Variants in NIN observed in about 807,000 individuals in gnomAD.
NIN encodes the protein ninein.
NIN carries 137 observed loss-of-function variants against 257.6 expected under a neutral mutation model. The observed-to-expected ratio is 0.53, with a 90% CI of 0.46 to 0.61. The LOEUF (loss-of-function observed/expected upper bound fraction) is 0.61. Among genes scored for constraint, NIN ranks in the 20% least tolerant of loss-of-function variants. The probability of loss-of-function intolerance (pLI) is 0.00; values close to 1 mark genes in which losing one functional copy is unlikely to be tolerated. For synonymous variants in NIN, 918 were observed against 919.8 expected, an observed-to-expected ratio of 1.00 and a Z score of 0.04; for missense variants, 2,439 against 2,501.2, an observed-to-expected ratio of 0.98 and a Z score of 0.53.
chr14:50,818,059 C>T lies in NIN; in HGVS notation c.183+3815G>A, dbSNP rs181501339. The stretch of plus-strand genomic sequence containing the variant: ...CTGGATATGGCCGGGCACGATGGCT[C>T]ACGCCTGTAACCCCAGCACTTTGGG... On this transcript the variant is annotated intron_variant, in intron 3 of 30. Transcript: ENST00000530997. Among the ~76,000 whole-genome samples, 450 of 151,504 alleles carry T rather than the reference C, an allele frequency of 3.0e-3. 4 individuals are homozygous for T. Among genetic ancestry groups the T allele is most frequent in the Non-Finnish European group, 5.0e-3 (342 of 67,818 alleles).
intron 9 of NIN, chr14:50,771,898 T>A (rs1205193179): frequency 5.5e-6 from 1 of 181,106 alleles, no homozygotes; most frequent in Non-Finnish European, 1.2e-5. Context: ...GGCAGGAGAA[T>A]CTCTTGAACC....
At chr14:50,754,898 C>T (rs910819741) in intron 18 of NIN, 31 bp from the exon 19 acceptor site, 3 of 1,480,278 alleles carry the variant, frequency 2.0e-6, no homozygotes, top group Non-Finnish European at 1.8e-6. Context: ...AAAATTGTTA[C>T]AAGGCAGTCA....
At chr14:50,760,437 CTTTTT>C (rs35995624) in intron 16 of NIN, 78 bp from the exon 17 acceptor site, 5,990 of 419,530 alleles carry the variant, frequency 0.014, no homozygotes, top group Middle Eastern at 0.026. Context: ...GCAGCAATTG[CTTTTT>C]TTTTTTTTTT....
At chr14:50,804,182 C>A (rs1285532636) in intron 4 of NIN, among the ~76,000 whole-genome samples, 2 of 152,084 alleles carry the variant, frequency 1.3e-5, no homozygotes, top group Admixed American at 6.5e-5. Flanking sequence ...GAGGCATGAG[C>A]CACCGCACCC....
chr14:50,775,534 T>A (rs1329161051), intron 7 of NIN, among the ~76,000 whole-genome samples: 1 of 152,186 alleles, frequency 6.6e-6, no homozygotes, highest in Non-Finnish European at 1.5e-5. Context: ...TTAGAGCTAG[T>A]AATACTAAGT....
intron 3 of NIN, among the ~76,000 whole-genome samples, chr14:50,810,378 C>A (rs550588201): frequency 6.6e-6 from 1 of 152,082 alleles, no homozygotes; most frequent in Non-Finnish European, 1.5e-5. Flanking sequence ...GCACTCCAAG[C>A]TAAAAGTACA....
At chr14:50,740,591 G>A (rs996575127) in intron 25 of NIN, among the ~76,000 whole-genome samples, 3 of 151,818 alleles carry the variant, frequency 2.0e-5, no homozygotes, top group East Asian at 1.9e-4. Flanking sequence ...CTCGTGATCC[G>A]CCCGCCTAGG....
chr14:50,722,989 C>G lies in NIN; in HGVS notation c.*474G>C, dbSNP rs755404908. The G allele has an allele frequency of 4.2e-5, 9 of 213,204 alleles. No homozygotes were observed. The highest frequency in any genetic ancestry group is 6.8e-5 in the African/African-American group (3 of 44,044). The allele number at this position is 213,204 out of a possible 1,614,324, so 13.2% of individuals were successfully genotyped here. Reference sequence around the variant, plus strand: ...CCAATTATACTCTACTAATTGTCTACCAATTCAAAGAACCAAAACTATTAT... The same window carrying G: ...CCAATTATACTCTACTAATTGTCTAGCAATTCAAAGAACCAAAACTATTAT... On this transcript the variant is annotated 3_prime_UTR_variant, in exon 31 of 31. Coordinates refer to ENST00000530997, the MANE Select transcript of NIN (RefSeq NM_020921.4).
chr14:50,818,593 G>T (rs1357046189), intron 3 of NIN, among the ~76,000 whole-genome samples: 2 of 152,124 alleles, frequency 1.3e-5, no homozygotes, highest in Non-Finnish European at 1.5e-5. Context: ...CCCTTGTGAT[G>T]AGGCCTCATC....
rs1383012928 is a variant in NIN, at chr14:50,739,506, T to C, written c.5449-19A>G. 1.9e-6 allele frequency: 3 copies of C among 1,608,874 alleles called. No individual in the cohort carries two copies. The highest frequency in any genetic ancestry group is 3.4e-5 in the Admixed American group (2 of 58,948). ...CCCAGCTCTTAAGAGAATTGCAGAGTGTAAGCCTTAAAAACAAGCTATTGG... is the reference window on the plus strand; with the variant it reads ...CCCAGCTCTTAAGAGAATTGCAGAGCGTAAGCCTTAAAAACAAGCTATTGG... On this transcript the variant is annotated intron_variant, in intron 25 of 30. Coordinates refer to ENST00000530997, the MANE Select transcript of NIN (RefSeq NM_020921.4).
At position 50,763,887 on chromosome 14, in the gene NIN, C is replaced by G; in HGVS notation, c.1713G>C (p.Pro571=). 2.5e-6 allele frequency: 4 copies of G among 1,613,974 alleles called. No homozygotes were observed. Among genetic ancestry groups the G allele is most frequent in the Non-Finnish European group, 2.5e-6 (3 of 1,179,876 alleles). ...CTTCTTCTGACGGTGAGTTCTTCAA[C>G]GGAAGCCTGAGCACTCTGCCTTGTG... ...YRAQGRVLRL[P]LKNSPSEEVE... is the part of the protein sequence containing the mutation. Residue 571 remains proline, a synonymous_variant, in exon 15 of 31, where the codon CCG becomes CCC. Coordinates refer to ENST00000530997, the MANE Select transcript of NIN (RefSeq NM_020921.4).
chr14:50,796,428 T>C (rs8007639), intron 4 of NIN, among the ~76,000 whole-genome samples: 34,451 of 152,182 alleles, frequency 0.23, 5,511 homozygotes, highest in African/African-American at 0.45. Context: ...ACAGAGCACG[T>C]GGGGAAAACA....
At chr14:50,724,334 C>T (rs2040335395) in intron 30 of NIN, 1 of 209,896 alleles carries the variant, frequency 4.8e-6, no homozygotes, top group Non-Finnish European at 9.7e-6. Context: ...GTTCATTTTA[C>T]ACCCAATTTC....
At chr14:50,812,294 G>T (rs1388953959) in intron 3 of NIN, among the ~76,000 whole-genome samples, 1 of 152,190 alleles carries the variant, frequency 6.6e-6, no homozygotes, top group African/African-American at 2.4e-5. Flanking sequence ...GGTAGAAAAA[G>T]CATGCACCAG....
intron 2 of NIN, among the ~76,000 whole-genome samples, chr14:50,829,543 A>T (rs1470208220): frequency 6.6e-6 from 1 of 152,210 alleles, no homozygotes; most frequent in East Asian, 1.9e-4. Context: ...CATGTCAGTC[A>T]CAAAAGACAA....
intron 5 of NIN, 88 bp from the exon 6 acceptor site, chr14:50,778,892 C>G: frequency 2.2e-6 from 3 of 1,354,754 alleles, no homozygotes; most frequent in Non-Finnish European, 3.2e-6. Context: ...CACTCTCTGG[C>G]TCTGAAATCA....
At position 50,776,973 on chromosome 14, in the gene NIN, A is replaced by G; in HGVS notation, c.642T>C (p.Tyr214=). The G allele has an allele frequency of 1.9e-6, 3 of 1,613,848 alleles. No homozygotes were observed. The highest frequency in any genetic ancestry group is 2.5e-6 in the Non-Finnish European group (3 of 1,179,832). ...CCTCTCCATCCACATTCTGTAAACC[A>G]TACTGCTCACAGATGGAGACCAGCT... The part of the protein sequence containing the change: ...RKKLVSICEQ[Y]GLQNVDGEML... The change falls in exon 7 of 31, where the codon TAT becomes TAC. Residue 214 remains tyrosine, a synonymous_variant. Transcript: ENST00000530997.
chr14:50,814,412 C>T lies in NIN; in HGVS notation c.183+7462G>A, dbSNP rs1049769602. ...CATACAGCCAAATACAGCAAGTTAA[C>T]GGTGTCCTTGGTGCTATGATAAGCC... On this transcript the variant is annotated intron_variant, in intron 3 of 30. Coordinates refer to ENST00000530997, the MANE Select transcript of NIN (RefSeq NM_020921.4). Among the ~76,000 whole-genome samples, 6 of 152,172 alleles carry T rather than the reference C, an allele frequency of 3.9e-5. No individual in the cohort carries two copies. The East Asian group carries it at 5.8e-4, about 15-fold the overall frequency.
chr14:50,778,689 G>T, intron 6 of NIN, 76 bp downstream of exon 6: 1 of 1,273,892 alleles, frequency 7.8e-7, no homozygotes, highest in South Asian at 1.2e-5. Flanking sequence ...CAGCATAAGA[G>T]ATCAGAAAGA....
Sources: allele counts gnomAD v4.1 joint callset (sites outside exome capture counted in the v4.1 genomes callset), GRCh38; gene constraint gnomAD v4.1.1; transcripts MANE v1.5; gene names NCBI Gene and HGNC (gene_info 2026-07-23, HGNC 2026-07-21).